Variants in DDX60 observed in about 807,000 individuals in gnomAD.
DDX60 encodes the protein DExD/H-box helicase 60.
DDX60 carries 165 observed loss-of-function variants against 212.8 expected under a neutral mutation model. That is an observed-to-expected ratio of 0.78 (90% CI 0.68 to 0.88). The LOEUF (loss-of-function observed/expected upper bound fraction) is 0.88, where lower values mean the gene tolerates loss of function less well. Ranked by LOEUF, DDX60 falls within the 40% of genes least tolerant of loss-of-function variation. The pLI, the probability that DDX60 is intolerant of heterozygous loss-of-function variation, is 0.00. For synonymous variants in DDX60, 703 were observed against 685.3 expected (o/e 1.03, Z -0.40); for missense variants, 1,905 against 2,003.9 (o/e 0.95, Z 0.94).
chr4:168,236,157 C>T, intron 33 of DDX60, 95 bp downstream of exon 33: 1 of 1,217,678 alleles, frequency 8.2e-7, no homozygotes, highest in South Asian at 1.5e-5. Flanking sequence ...ATGAACTGCC[C>T]TTTGAATTAA....
chr4:168,312,265 C>T (rs1335413596), intron 1 of DDX60, among the ~76,000 whole-genome samples: 1 of 152,114 alleles, frequency 6.6e-6, no homozygotes, highest in Non-Finnish European at 1.5e-5. Context: ...ATTATGGCGG[C>T]ATTTGTGAAC....
At chr4:168,305,219 C>A (rs963655323) in intron 5 of DDX60, among the ~76,000 whole-genome samples, 1 of 152,210 alleles carries the variant, frequency 6.6e-6, no homozygotes, top group African/African-American at 2.4e-5. Flanking sequence ...TGTCTGTACA[C>A]TAACGATGTT....
At chr4:168,281,475 A>G (rs559092402) in intron 13 of DDX60, among the ~76,000 whole-genome samples, 5 of 152,328 alleles carry the variant, frequency 3.3e-5, no homozygotes, top group African/African-American at 7.2e-5. Context: ...TGTTGTCTGT[A>G]TGTCTCAAGC....
chr4:168,279,386 G>A (rs513415), intron 14 of DDX60, among the ~76,000 whole-genome samples: 5,154 of 152,224 alleles, frequency 0.034, 171 homozygotes, highest in African/African-American at 0.084. Context: ...CTGCTTCAGC[G>A]CCTTGACTAT....
chr4:168,266,588 T>C (rs1734858144), intron 22 of DDX60, among the ~76,000 whole-genome samples: 1 of 152,176 alleles, frequency 6.6e-6, no homozygotes, highest in African/African-American at 2.4e-5. Flanking sequence ...AGTATCTGAA[T>C]GACTGGTATT....
At chr4:168,220,780 T>C in intron 36 of DDX60, 63 bp from the exon 37 acceptor site, 2 of 898,120 alleles carry the variant, frequency 2.2e-6, no homozygotes, top group South Asian at 3.0e-5. Flanking sequence ...CTATTTTATA[T>C]TTAAATGCTG....
intron 5 of DDX60, among the ~76,000 whole-genome samples, chr4:168,303,542 G>A (rs1442583596): frequency 6.6e-6 from 1 of 152,158 alleles, no homozygotes; most frequent in East Asian, 1.9e-4. Flanking sequence ...CCACTTATAT[G>A]TTGGTGATCC....
At chr4:168,260,166 C>T (rs1734568168) in intron 25 of DDX60, among the ~76,000 whole-genome samples, 1 of 151,942 alleles carries the variant, frequency 6.6e-6, no homozygotes, top group African/African-American at 2.4e-5. Flanking sequence ...GCACAATGTG[C>T]AGGTTTGTTA....
rs1180291015 is a variant in DDX60 at position 168,255,594 on chromosome 4, A to C, written c.3557+117T>G. 3.5e-6 allele frequency: 3 copies of C among 852,422 alleles called. No individual in the cohort carries two copies. In the African/African-American group the frequency reaches 5.3e-5, roughly 15 times the overall value. The allele number at this position is 852,422 out of a possible 1,614,324, so 52.8% of individuals were successfully genotyped here. A position where few individuals can be genotyped will look rare whatever the true frequency, so the allele number is the denominator to read the frequency against. ...TCACCCAAATGTACTCAATTTAGAAATAAGTCCAAGCGACAACTAGAACTT... is the reference window on the plus strand; with the variant it reads ...TCACCCAAATGTACTCAATTTAGAACTAAGTCCAAGCGACAACTAGAACTT... On this transcript the variant is annotated intron_variant, in intron 26 of 37. Transcript: ENST00000393743.
At chr4:168,313,890 A>G (rs1017964292) in intron 1 of DDX60, among the ~76,000 whole-genome samples, 1 of 152,240 alleles carries the variant, frequency 6.6e-6, no homozygotes, top group African/African-American at 2.4e-5. Context: ...TTATAATGAA[A>G]TATAACTATG....
At chr4:168,304,038 C>T (rs1241513624) in intron 5 of DDX60, among the ~76,000 whole-genome samples, 4 of 152,122 alleles carry the variant, frequency 2.6e-5, no homozygotes, top group Non-Finnish European at 5.9e-5. Context: ...GTATATAATA[C>T]TTGATCATGA....
intron 30 of DDX60, among the ~76,000 whole-genome samples, chr4:168,239,635 G>A (rs955051424): frequency 2.6e-5 from 4 of 152,050 alleles, no homozygotes; most frequent in Non-Finnish European, 5.9e-5. Flanking sequence ...AATTTAATGT[G>A]GTAAGAGAGT....
At chr4:168,277,955 C>G (rs1175109832) in intron 14 of DDX60, among the ~76,000 whole-genome samples, 1 of 152,214 alleles carries the variant, frequency 6.6e-6, no homozygotes, top group East Asian at 1.9e-4. Context: ...TTCCTTTGTC[C>G]CCCATGTTCA....
intron 26 of DDX60, among the ~76,000 whole-genome samples, 177 bp from the exon 27 acceptor site, chr4:168,252,833 C>T (rs1734267766): frequency 6.6e-6 from 1 of 151,958 alleles, no homozygotes; most frequent in Non-Finnish European, 1.5e-5. Context: ...AAGATGGAGT[C>T]TTTCTCTGTC....
chr4:168,238,850 T>C (rs1733734401), intron 30 of DDX60, among the ~76,000 whole-genome samples: 1 of 152,136 alleles, frequency 6.6e-6, no homozygotes, highest in African/African-American at 2.4e-5. Context: ...CTAGCAGAAG[T>C]AGAACGCGAC....
chr4:168,291,931 G>A (rs778304912), intron 7 of DDX60, 25 bp from the exon 8 acceptor site: 14 of 1,578,602 alleles, frequency 8.9e-6, no homozygotes, highest in Non-Finnish European at 1.2e-5. Context: ...GAAGGTATAA[G>A]CCAGAGAACA....
At chr4:168,281,054 C>G (rs1167925049) in intron 13 of DDX60, among the ~76,000 whole-genome samples, 1 of 152,142 alleles carries the variant, frequency 6.6e-6, no homozygotes, top group Non-Finnish European at 1.5e-5. Flanking sequence ...GCATGAGAAT[C>G]CCTTGAACCT....
At chr4:168,248,136 C>T (rs377420588) in intron 29 of DDX60, 52 bp downstream of exon 29, 102 of 1,229,712 alleles carry the variant, frequency 8.3e-5, no homozygotes, top group Middle Eastern at 5.8e-4. Flanking sequence ...TTTTACTACG[C>T]TATGGCCATA....
In DDX60 at chr4:168,238,236, C is replaced by CAAAAAAAAAAAAAAAAAAAAAAAAA. The variant is rs57638327; in HGVS notation, c.4165-442_4165-441insTTTTTTTTTTTTTTTTTTTTTTTTT. ...TCCCATTAAAATGTCTATGAAATTC[C>CAAAAAAAAAAAAAAAAAAAAAAAAA]AAAAAAAAAAAAAAAAAAAAAAACC... On this transcript the variant is annotated intron_variant, in intron 30 of 37. Coordinates refer to ENST00000393743, the MANE Select transcript of DDX60 (RefSeq NM_017631.6). Among the ~76,000 whole-genome samples the CAAAAAAAAAAAAAAAAAAAAAAAAA allele has an allele frequency of 4.9e-5, 4 of 80,892 alleles. 2 individuals carry two copies. Among genetic ancestry groups the CAAAAAAAAAAAAAAAAAAAAAAAAA allele is most frequent in the Non-Finnish European group, 1.0e-4 (4 of 39,246 alleles). 53.1% of individuals were successfully genotyped at this position (80,892 alleles called of 152,430 possible).
Sources: allele counts gnomAD v4.1 joint callset (sites outside exome capture counted in the v4.1 genomes callset), GRCh38; gene constraint gnomAD v4.1.1; transcripts MANE v1.5; gene names NCBI Gene and HGNC (gene_info 2026-07-23, HGNC 2026-07-21).